Variants in FAM193A observed in about 807,000 individuals in gnomAD.
FAM193A encodes protein FAM193A.
In FAM193A, 22 loss-of-function variants were observed where a neutral mutation model predicts 126.5. The ratio of observed to expected loss-of-function variants is 0.17; its 90% CI spans 0.12 to 0.25. The LOEUF (loss-of-function observed/expected upper bound fraction) is 0.25, where lower values mean the gene tolerates loss of function less well. Ranked by LOEUF, FAM193A falls within the 10% of genes least tolerant of loss-of-function variation. The pLI, the probability that FAM193A is intolerant of heterozygous loss-of-function variation, is 1.00. For missense variants in FAM193A, 1,675 were observed against 1,672.8 expected (o/e 1.00, Z -0.02); for synonymous variants, 761 against 646.8 (o/e 1.18, Z -2.68).
At chr4:2,653,071 C>A (rs1745830420) in intron 7 of FAM193A, among the ~76,000 whole-genome samples, 1 of 152,176 alleles carries the variant, frequency 6.6e-6, no homozygotes, top group South Asian at 2.1e-4. Context: ...GTCCTTAGTT[C>A]CACATGTGAT....
chr4:2,610,194 T>C (rs2108940419), intron 2 of FAM193A, among the ~76,000 whole-genome samples: 1 of 151,256 alleles, frequency 6.6e-6, no homozygotes, highest in East Asian at 2.0e-4. Flanking sequence ...ATCACGCCAC[T>C]AAACTCCAGC....
intron 2 of FAM193A, among the ~76,000 whole-genome samples, chr4:2,624,739 G>A (rs1219300954): frequency 6.6e-6 from 1 of 152,174 alleles, no homozygotes; most frequent in Non-Finnish European, 1.5e-5. Context: ...ATGAGGTCTT[G>A]CTGTGTTACC....
intron 3 of FAM193A, among the ~76,000 whole-genome samples, chr4:2,625,817 T>G (rs1742906441): frequency 6.7e-6 from 1 of 148,784 alleles, no homozygotes; most frequent in African/African-American, 2.5e-5. Context: ...ACCTCCGCCT[T>G]CCAGGCTCAA....
intron 1 of FAM193A, among the ~76,000 whole-genome samples, chr4:2,545,518 G>A (rs535790465): frequency 6.6e-6 from 1 of 151,972 alleles, no homozygotes; most frequent in South Asian, 2.1e-4. Context: ...ATTCCTTTCT[G>A]TACATGTGTT....
At chr4:2,651,843 A>G (rs749295451) in intron 7 of FAM193A, among the ~76,000 whole-genome samples, 19 of 152,202 alleles carry the variant, frequency 1.2e-4, no homozygotes, top group Non-Finnish European at 2.1e-4. Context: ...AGAAGTGACC[A>G]TTGTGAAGCA....
At chr4:2,561,589 C>G (rs774274716) in intron 1 of FAM193A, among the ~76,000 whole-genome samples, 4 of 151,702 alleles carry the variant, frequency 2.6e-5, no homozygotes, top group Admixed American at 6.6e-5. Flanking sequence ...CACTGTCTCC[C>G]AGGTTCAGGT....
chr4:2,665,784 C>T (rs536151920), intron 12 of FAM193A, among the ~76,000 whole-genome samples: 1 of 152,356 alleles, frequency 6.6e-6, no homozygotes, highest in African/African-American at 2.4e-5. Context: ...ATTTCAGCCT[C>T]CCAAAGTTTT....
At chr4:2,691,005 G>T in intron 15 of FAM193A, 35 bp downstream of exon 15, 1 of 1,578,014 alleles carries the variant, frequency 6.3e-7, no homozygotes, top group Non-Finnish European at 8.6e-7. Context: ...CTCGGGGTCT[G>T]CAGGAAGGCT....
intron 4 of FAM193A, among the ~76,000 whole-genome samples, chr4:2,627,019 C>T (rs1370945824): frequency 6.6e-6 from 1 of 152,054 alleles, no homozygotes; most frequent in Non-Finnish European, 1.5e-5. Context: ...GTTCATGAGG[C>T]CAAGACAGCT....
At chr4:2,698,284 G>A (rs983353971) in intron 18 of FAM193A, among the ~76,000 whole-genome samples, 2 of 152,196 alleles carry the variant, frequency 1.3e-5, no homozygotes, top group African/African-American at 2.4e-5. Flanking sequence ...GACAAGGCAC[G>A]TGTGCTGGAT....
chr4:2,727,627 T>G (rs1577288004), intron 20 of FAM193A, among the ~76,000 whole-genome samples: 1 of 152,364 alleles, frequency 6.6e-6, no homozygotes, highest in East Asian at 1.9e-4. Flanking sequence ...TGTCATCTTT[T>G]CTACTAAAGG....
chr4:2,712,353 C>T lies in FAM193A; in HGVS notation c.4373-3670C>T, dbSNP rs575696095. Among the ~76,000 whole-genome samples the T allele has an allele frequency of 2.0e-5, 3 of 152,246 alleles. No individual in the cohort carries two copies. The East Asian group carries it at 5.8e-4, about 29-fold the overall frequency. On this transcript the variant is annotated intron_variant, in intron 19 of 20. Transcript: ENST00000637812. ...TATTATTAATATGTTTCTGTGTTTTCTTGCATCTCCTGTTTCCGTGTTGTT... is the reference window on the plus strand; with the variant it reads ...TATTATTAATATGTTTCTGTGTTTTTTTGCATCTCCTGTTTCCGTGTTGTT...
At chr4:2,618,066 C>T (rs527905007) in intron 2 of FAM193A, among the ~76,000 whole-genome samples, 4 of 152,278 alleles carry the variant, frequency 2.6e-5, no homozygotes, top group South Asian at 4.1e-4. Context: ...TCATTTCTTT[C>T]GTGGCCTCTC....
At chr4:2,550,025 C>CT (rs35806343) in intron 1 of FAM193A, among the ~76,000 whole-genome samples, 44,027 of 132,012 alleles carry the variant, frequency 0.33, 8,147 homozygotes, top group Admixed American at 0.51. Flanking sequence ...CCGCACCTGG[C>CT]TTTTTTTTTT....
At chr4:2,574,658 C>G (rs1006486135) in intron 1 of FAM193A, among the ~76,000 whole-genome samples, 1 of 152,116 alleles carries the variant, frequency 6.6e-6, no homozygotes, top group Non-Finnish European at 1.5e-5. Flanking sequence ...GGACTGCAGC[C>G]TCTTCTGTAG....
chr4:2,566,173 G>A (rs770618669), intron 1 of FAM193A, among the ~76,000 whole-genome samples: 9 of 151,778 alleles, frequency 5.9e-5, no homozygotes, highest in Admixed American at 1.3e-4. Context: ...TCAACCTGAC[G>A]AGTAGCTGGG....
Position 2,659,538 on chromosome 4 carries a change from C to T in FAM193A, c.1390-20C>T. On this transcript the variant is annotated intron_variant, in intron 8 of 20. Transcript: ENST00000637812. Reference sequence around the variant, plus strand: ...GGGGAAGGGTCTTGCAAGATTAAAGCATTTTAAAATTTCCTCTAGTTAACC... The same window carrying T: ...GGGGAAGGGTCTTGCAAGATTAAAGTATTTTAAAATTTCCTCTAGTTAACC... 1 of 1,541,910 alleles carries T rather than the reference C, an allele frequency of 6.5e-7. No homozygotes were observed. The highest frequency in any genetic ancestry group is 9.0e-7 in the Non-Finnish European group (1 of 1,114,624).
intron 12 of FAM193A, among the ~76,000 whole-genome samples, chr4:2,671,702 C>CCGGAAGTCG (rs1256724170): frequency 6.6e-6 from 1 of 152,218 alleles, no homozygotes; most frequent in Non-Finnish European, 1.5e-5. Flanking sequence ...TCCACCGTAA[C>CCGGAAGTCG]CGGAAGTCGC....
intron 1 of FAM193A, among the ~76,000 whole-genome samples, chr4:2,568,051 C>CT (rs1245646643): frequency 6.6e-6 from 1 of 152,224 alleles, no homozygotes; most frequent in Admixed American, 6.5e-5. Flanking sequence ...GGTTCTGCCT[C>CT]TGAGAATCCT....
Sources: gnomAD v4.1 joint callset for allele counts (sites outside exome capture counted in the v4.1 genomes callset) on GRCh38, gnomAD v4.1.1 for gene constraint, MANE v1.5 for transcripts, NCBI Gene and HGNC (gene_info 2026-07-23, HGNC 2026-07-21) for gene names.